ITGA9: variants seen among roughly 807,000 people sequenced by gnomAD.
The protein encoded by ITGA9 is integrin alpha-9.
Under a neutral mutation model 127.8 loss-of-function variants are expected in ITGA9, and 56 were observed. The observed-to-expected ratio is 0.44, with a 90% CI of 0.35 to 0.55. The LOEUF (loss-of-function observed/expected upper bound fraction) is 0.55. ITGA9 is among the 20% of genes least tolerant of loss of function. The probability of loss-of-function intolerance (pLI) is 0.00; values close to 1 mark genes in which losing one functional copy is unlikely to be tolerated. For synonymous variants in ITGA9, 508 were observed against 514.5 expected, an observed-to-expected ratio of 0.99 and a Z score of 0.17; for missense variants, 1,196 against 1,347.1, an observed-to-expected ratio of 0.89 and a Z score of 1.76.
At chr3:37,653,672 A>T (rs374114754) in intron 16 of ITGA9, 42 bp from the exon 17 acceptor site, 15 of 1,436,794 alleles carry the variant, frequency 1.0e-5, no homozygotes, top group Non-Finnish European at 1.4e-5. Flanking sequence ...CTCGTTTGCC[A>T]CTCAATCCTG....
At chr3:37,749,156 A>T (rs1320972970) in intron 22 of ITGA9, 1 of 201,532 alleles carries the variant, frequency 5.0e-6, no homozygotes, top group African/African-American at 2.4e-5. Context: ...ACCAGGGGAA[A>T]ATCCACTTCT....
At chr3:37,567,040 G>A (rs1699553490) in intron 15 of ITGA9, among the ~76,000 whole-genome samples, 1 of 152,218 alleles carries the variant, frequency 6.6e-6, no homozygotes, top group Admixed American at 6.5e-5. Flanking sequence ...GAGTCTGCTA[G>A]ATTAATGAAG....
At chr3:37,737,115 T>G in intron 20 of ITGA9, 132 bp downstream of exon 20, 5 of 727,816 alleles carry the variant, frequency 6.9e-6, no homozygotes. Flanking sequence ...TGATAAAGCC[T>G]TGAGCCGCAA....
intron 27 of ITGA9, among the ~76,000 whole-genome samples, chr3:37,809,896 G>T (rs1697346147): frequency 6.6e-6 from 1 of 152,180 alleles, no homozygotes; most frequent in Admixed American, 6.5e-5. Flanking sequence ...CTAAACTCCA[G>T]CCTCATATTT....
chr3:37,717,260 G>A (rs1237213794), intron 18 of ITGA9, among the ~76,000 whole-genome samples: 2 of 152,180 alleles, frequency 1.3e-5, no homozygotes, highest in African/African-American at 4.8e-5. Flanking sequence ...AAGTTCTACT[G>A]CAGCCACAAA....
intron 5 of ITGA9, among the ~76,000 whole-genome samples, chr3:37,498,637 C>T (rs1698756369): frequency 6.6e-6 from 1 of 152,156 alleles, no homozygotes; most frequent in Admixed American, 6.5e-5. Flanking sequence ...GCTCATGGTA[C>T]AGCAAAGTGG....
At chr3:37,502,899 C>T (rs938526964) in intron 5 of ITGA9, among the ~76,000 whole-genome samples, 10 of 152,176 alleles carry the variant, frequency 6.6e-5, no homozygotes, top group Non-Finnish European at 1.2e-4. Flanking sequence ...GTTGAGGAAA[C>T]GTGTGTGGTC....
Position 37,452,208 on chromosome 3 carries a change from T to G in ITGA9, c.-167T>G. ...CCCTGTGCTCGCCTTCAGCGCCCGC[T>G]CAGCCCGCCGTCCGCGCCCCGGTGG... On this transcript the variant is annotated 5_prime_UTR_variant, in exon 1 of 28. Coordinates refer to ENST00000264741, the MANE Select transcript of ITGA9 (RefSeq NM_002207.3). This position sits in a 1 kb window ranked among gnomAD's most constrained non-coding sequence, Gnocchi z 7.3. 1 of 185,564 alleles carries G rather than the reference T, an allele frequency of 5.4e-6. No homozygotes were observed. The highest frequency in any genetic ancestry group is 1.8e-4 in the South Asian group (1 of 5,508). The allele number at this position is 185,564 out of a possible 1,614,324, so 11.5% of individuals were successfully genotyped here. A position where few individuals can be genotyped will look rare whatever the true frequency, so the allele number is the denominator to read the frequency against.
At chr3:37,513,931 G>T (rs1328008136) in intron 9 of ITGA9, 31 bp downstream of exon 9, 1 of 1,612,058 alleles carries the variant, frequency 6.2e-7, no homozygotes. Context: ...TGTGCGGATG[G>T]GTGTGGGGGA....
At chr3:37,473,508 A>G (rs375087063) in intron 3 of ITGA9, 48 bp downstream of exon 3, 33 of 1,390,552 alleles carry the variant, frequency 2.4e-5, no homozygotes, top group Non-Finnish European at 3.3e-5. Context: ...CACTCTGAGA[A>G]TGAATGATCT....
intron 1 of ITGA9, among the ~76,000 whole-genome samples, chr3:37,460,508 C>G (rs890413492): frequency 6.6e-6 from 1 of 151,764 alleles, no homozygotes; most frequent in Non-Finnish European, 1.5e-5. Context: ...ATTTACCCTG[C>G]TGTGGTTATT....
chr3:37,484,738 C>T (rs191507470), intron 4 of ITGA9, among the ~76,000 whole-genome samples: 181 of 152,248 alleles, frequency 1.2e-3, no homozygotes, highest in Non-Finnish European at 1.9e-3. Flanking sequence ...GTTCAAGTCC[C>T]GGCTCTGCTA....
chr3:37,567,079 T>C (rs1469715164), intron 15 of ITGA9, among the ~76,000 whole-genome samples: 1 of 152,218 alleles, frequency 6.6e-6, no homozygotes, highest in Non-Finnish European at 1.5e-5. Context: ...GTTTTCACAC[T>C]GCTGATAAAG....
intron 15 of ITGA9, among the ~76,000 whole-genome samples, chr3:37,612,010 G>A (rs1015939641): frequency 6.6e-6 from 1 of 151,988 alleles, no homozygotes; most frequent in Admixed American, 6.5e-5. Flanking sequence ...GCCCTGGGGT[G>A]ATTTTCAGCC....
At chr3:37,512,134 CTTTT>C (rs1698931526) in intron 8 of ITGA9, among the ~76,000 whole-genome samples, 3 of 10,358 alleles carry the variant, frequency 2.9e-4, no homozygotes, top group African/African-American at 1.1e-3. Context: ...CTTTTCTTTT[CTTTT>C]CTTTTCTTTT....
At chr3:37,593,957 CA>C (rs1699844875) in intron 15 of ITGA9, among the ~76,000 whole-genome samples, 1 of 152,050 alleles carries the variant, frequency 6.6e-6, no homozygotes, top group Non-Finnish European at 1.5e-5. Context: ...GGAGTCTGAC[CA>C]GGGGCAAGCA....
chr3:37,655,492 T>G (rs538282755), intron 17 of ITGA9, among the ~76,000 whole-genome samples: 1 of 152,368 alleles, frequency 6.6e-6, no homozygotes, highest in South Asian at 2.1e-4. Context: ...CATAAATGTC[T>G]TCTTTTGAGA....
At chr3:37,653,685 C>G in intron 16 of ITGA9, 29 bp from the exon 17 acceptor site, 1 of 1,563,808 alleles carries the variant, frequency 6.4e-7, no homozygotes, top group Non-Finnish European at 8.8e-7. Context: ...CAATCCTGCC[C>G]TAACCTTCCT....
At chr3:37,792,783 G>T (rs144603972) in intron 26 of ITGA9, among the ~76,000 whole-genome samples, 2 of 152,166 alleles carry the variant, frequency 1.3e-5, no homozygotes, top group African/African-American at 4.8e-5. Context: ...TGGTTAGAAG[G>T]CTGCGATTTT....
Sources: allele counts gnomAD v4.1 joint callset (sites outside exome capture counted in the v4.1 genomes callset), GRCh38; gene constraint gnomAD v4.1.1; non-coding constraint Gnocchi (gnomAD v3.1); transcripts MANE v1.5; gene names NCBI Gene and HGNC (gene_info 2026-07-23, HGNC 2026-07-21).